Variants in FIP1L1 observed in about 807,000 individuals in gnomAD.
FIP1L1 encodes the protein pre-mRNA 3'-end-processing factor FIP1.
A neutral mutation model predicts 84.6 loss-of-function variants in FIP1L1; 21 were observed. The observed-to-expected ratio is 0.25, with a 90% CI of 0.18 to 0.36. The LOEUF is 0.36. FIP1L1 is among the 10% of genes least tolerant of loss of function. FIP1L1 has a pLI of 1.00. For missense variants in FIP1L1, 526 were observed against 751.1 expected (o/e 0.70, Z 3.50); for synonymous variants, 263 against 242.3 (o/e 1.09, Z -0.80).
At chr4:53,404,299 T>G (rs1369014816) in intron 10 of FIP1L1, among the ~76,000 whole-genome samples, 1 of 151,340 alleles carries the variant, frequency 6.6e-6, no homozygotes, top group African/African-American at 2.4e-5. Flanking sequence ...CTGAGAATGA[T>G]GATTTCCAGT....
chr4:53,399,385 G>T (rs1298228040), intron 9 of FIP1L1, among the ~76,000 whole-genome samples: 1 of 152,146 alleles, frequency 6.6e-6, no homozygotes, highest in Non-Finnish European at 1.5e-5. Context: ...ATTCTTCAAG[G>T]TCTTTCTTGA....
At chr4:53,459,250 C>G (rs1001718525) in intron 17 of FIP1L1, 52 bp from the exon 18 acceptor site, 2 of 1,320,292 alleles carry the variant, frequency 1.5e-6, no homozygotes, top group Non-Finnish European at 2.1e-6. Context: ...ATTTTTGTCA[C>G]TGATTGTGTA....
At position 53,383,888 on chromosome 4, in the gene FIP1L1, T is replaced by A. The variant is rs756310903; in HGVS notation, c.332+12T>A. 3 of 1,608,046 alleles carry A rather than the reference T, an allele frequency of 1.9e-6. No homozygotes were observed. Among genetic ancestry groups the A allele is most frequent in the African/African-American group, 2.7e-5 (2 of 74,598 alleles). ...GCACCACAGTATGGGTAAGTTATTT[T>A]TTAGTAAGTAACAATTGTGTAAATG... On this transcript the variant is annotated intron_variant, in intron 5 of 17. Transcript: ENST00000337488.
At chr4:53,404,561 G>C (rs1752151747) in intron 10 of FIP1L1, among the ~76,000 whole-genome samples, 1 of 151,530 alleles carries the variant, frequency 6.6e-6, no homozygotes, top group African/African-American at 2.4e-5. Flanking sequence ...GGTATTTCTA[G>C]TTATAGATCC....
At chr4:53,435,608 AT>A (rs1768782897) in intron 13 of FIP1L1, among the ~76,000 whole-genome samples, 1 of 152,158 alleles carries the variant, frequency 6.6e-6, no homozygotes, top group Admixed American at 6.5e-5. Context: ...TGTATGTAAA[AT>A]TACCTTTTTT....
At chr4:53,412,052 T>A (rs62325214) in intron 10 of FIP1L1, among the ~76,000 whole-genome samples, 2 of 151,984 alleles carry the variant, frequency 1.3e-5, no homozygotes, top group Non-Finnish European at 2.9e-5. Flanking sequence ...AAAGTTTTAT[T>A]TTGAAAAAAA....
intron 15 of FIP1L1, among the ~76,000 whole-genome samples, chr4:53,448,548 C>A (rs1483344670): frequency 6.6e-6 from 1 of 152,042 alleles, no homozygotes; most frequent in Non-Finnish European, 1.5e-5. Flanking sequence ...TTTATGTAAT[C>A]CTGACAGTTT....
intron 10 of FIP1L1, among the ~76,000 whole-genome samples, chr4:53,412,292 G>C (rs1757592562): frequency 6.6e-6 from 1 of 152,084 alleles, no homozygotes; most frequent in African/African-American, 2.4e-5. Flanking sequence ...ATACGGCAGA[G>C]TTATCAAAGT....
At chr4:53,427,799 T>G (rs1166132413) in intron 12 of FIP1L1, among the ~76,000 whole-genome samples, 5 of 152,208 alleles carry the variant, frequency 3.3e-5, no homozygotes, top group South Asian at 4.1e-4. Flanking sequence ...TTGTTTTTTC[T>G]TAAGATTTGA....
intron 15 of FIP1L1, among the ~76,000 whole-genome samples, chr4:53,448,679 G>T (rs541881108): frequency 2.0e-5 from 3 of 152,200 alleles, no homozygotes; most frequent in African/African-American, 7.2e-5. Context: ...TGGCTTCAGA[G>T]TCCTTGCTTT....
chr4:53,403,538 C>T (rs987289333), intron 10 of FIP1L1, among the ~76,000 whole-genome samples: 6 of 152,238 alleles, frequency 3.9e-5, no homozygotes, highest in African/African-American at 1.2e-4. Context: ...ATCCGTGCTT[C>T]GGATTTGACA....
chr4:53,378,280 GTC>G (rs1414271265), intron 1 of FIP1L1: 2 of 213,662 alleles, frequency 9.4e-6, no homozygotes, highest in Non-Finnish European at 1.9e-5. Context: ...GGTTTTTGGT[GTC>G]TGTTTTTGCC....
chr4:53,415,151 C>CA lies in FIP1L1; in HGVS notation c.923+434dup, dbSNP rs1454355590. ...TTCCAATCTTATACCCACTACAGTG[C>CA]AAAAACCCCTGATTTCATTAAGCAG... On this transcript the variant is annotated intron_variant, in intron 11 of 17. Coordinates refer to ENST00000337488, the MANE Select transcript of FIP1L1 (RefSeq NM_030917.4). Among the ~76,000 whole-genome samples the CA allele has an allele frequency of 2.0e-5, 3 of 152,110 alleles. No individual in the cohort carries two copies. The East Asian group carries it at 5.8e-4, about 29-fold the overall frequency.
intron 10 of FIP1L1, 143 bp downstream of exon 10, chr4:53,399,982 C>T (rs1411009208): frequency 1.1e-5 from 6 of 569,896 alleles, no homozygotes; most frequent in African/African-American, 3.7e-5. Context: ...ATGAATTCTT[C>T]ACAAGAAACT....
intron 3 of FIP1L1, among the ~76,000 whole-genome samples, chr4:53,381,290 C>T (rs1480599053): frequency 6.6e-6 from 1 of 152,124 alleles, no homozygotes; most frequent in East Asian, 1.9e-4. Context: ...TACCAAAGTT[C>T]CTGCTATTAG....
At chr4:53,449,484 T>C (rs1352092571) in intron 15 of FIP1L1, among the ~76,000 whole-genome samples, 1 of 152,156 alleles carries the variant, frequency 6.6e-6, no homozygotes, top group Non-Finnish European at 1.5e-5. Flanking sequence ...CATGATTGAT[T>C]ATCTTTTTTC....
At chr4:53,391,299 GT>G in intron 8 of FIP1L1, 130 bp from the exon 9 acceptor site, 1 of 1,172,628 alleles carries the variant, frequency 8.5e-7, no homozygotes, top group Non-Finnish European at 1.2e-6. Context: ...CCCTTTTAGA[GT>G]TTCGTATTTA....
intron 15 of FIP1L1, among the ~76,000 whole-genome samples, chr4:53,446,891 T>C (rs1774414145): frequency 6.6e-6 from 1 of 151,966 alleles, no homozygotes; most frequent in African/African-American, 2.4e-5. Context: ...AAAGTGAGAG[T>C]CTCTTGCCCA....
At chr4:53,385,484 AACCATTGAATTCAAAAC>A (rs1740459077) in intron 5 of FIP1L1, among the ~76,000 whole-genome samples, 1 of 152,118 alleles carries the variant, frequency 6.6e-6, no homozygotes, top group African/African-American at 2.4e-5. Context: ...ATAGAGTAGA[AACCATTGAATTCAAAAC>A]TCTTCAAAAA....
Sources: allele counts gnomAD v4.1 joint callset (sites outside exome capture counted in the v4.1 genomes callset), GRCh38; gene constraint gnomAD v4.1.1; transcripts MANE v1.5; gene names NCBI Gene and HGNC (gene_info 2026-07-23, HGNC 2026-07-21).